ATG12: variants seen among roughly 807,000 people sequenced by gnomAD.
ATG12 encodes the protein ubiquitin-like protein ATG12.
ATG12 carries 19 observed loss-of-function variants against 17.6 expected under a neutral mutation model. The ratio of observed to expected loss-of-function variants is 1.08; its 90% CI spans 0.75 to 1.58. The LOEUF (loss-of-function observed/expected upper bound fraction) is 1.58, where lower values mean the gene tolerates loss of function less well. Among genes scored for constraint, ATG12 ranks in the 40% most tolerant of loss-of-function variants. ATG12 has a pLI of 0.00. For missense variants in ATG12, 214 were observed against 162.0 expected (o/e 1.32, Z -1.74); for synonymous variants, 75 against 62.4 (o/e 1.20, Z -0.95).
intron 2 of ATG12, chr5:115,833,400 A>T (rs1368552081): frequency 6.6e-6 from 1 of 152,142 alleles, no homozygotes; most frequent in Non-Finnish European, 1.5e-5. Flanking sequence ...AAGTATCAGA[A>T]TAGTTGGTTG....
chr5:115,835,113 G>A (rs1029400867), intron 2 of ATG12: 31 of 151,592 alleles, frequency 2.0e-4, no homozygotes, highest in Admixed American at 1.4e-3. Flanking sequence ...TTCTTTTCCT[G>A]AGCTTCATTT....
chr5:115,840,601 G>A (rs1761357654), intron 1 of ATG12: 2 of 1,279,188 alleles, frequency 1.6e-6, no homozygotes, highest in Admixed American at 2.4e-5. Flanking sequence ...CCCGGCCAGA[G>A]ACCACTGTCA....
chr5:115,829,007 G>A lies in ATG12; in HGVS notation c.*2797C>T, dbSNP rs1260532992. 2 of 152,180 alleles carry A rather than the reference G, an allele frequency of 1.3e-5. No homozygotes were observed. The highest frequency in any genetic ancestry group is 2.9e-5 in the Non-Finnish European group (2 of 68,022). 9.4% of individuals were successfully genotyped at this position (152,180 alleles called of 1,614,324 possible). A position where few individuals can be genotyped will look rare whatever the true frequency, so the allele number is the denominator to read the frequency against. ...GTGTAAGTAAACTGCACGAGCAGAA[G>A]TAGATAACAGAAAACACAAGGCATC... On this transcript the variant is annotated 3_prime_UTR_variant, in exon 4 of 4. Transcript: ENST00000509910.
chr5:115,838,002 C>A, intron 1 of ATG12: 2 of 361,090 alleles, frequency 5.5e-6, no homozygotes, highest in Non-Finnish European at 4.9e-6. Flanking sequence ...ACAGGCAGTT[C>A]CAAAGAGAGG....
At position 115,831,680 on chromosome 5, in the gene ATG12, G is replaced by C. The variant is rs1760875996; in HGVS notation, c.*124C>G. ...GGATGTTTTCTTATGCATAAACATA[G>C]AGTAGACACATACTAAATAGATCAC... On this transcript the variant is annotated 3_prime_UTR_variant, in exon 4 of 4. Transcript: ENST00000509910. 5 of 858,066 alleles carry C rather than the reference G, an allele frequency of 5.8e-6. No homozygotes were observed. Among genetic ancestry groups the C allele is most frequent in the Admixed American group, 4.8e-5 (2 of 42,054 alleles). The allele number at this position is 858,066 out of a possible 1,614,324, so 53.2% of individuals were successfully genotyped here. A position where few individuals can be genotyped will look rare whatever the true frequency, so the allele number is the denominator to read the frequency against.
rs201976289 is a variant in ATG12, at chr5:115,841,406, G to T, written c.147C>A (p.Gly49=). 162 of 1,610,444 alleles carry T rather than the reference G, an allele frequency of 1.0e-4. 2 individuals carry two copies. Among genetic ancestry groups the T allele is most frequent in the Middle Eastern group, 6.9e-4 (4 of 5,810 alleles). Residue 49 remains glycine, a synonymous_variant, in exon 1 of 4, where the codon GGC becomes GGA. Coordinates refer to ENST00000509910, the MANE Select transcript of ATG12 (RefSeq NM_004707.4). ...TTCAGTTACTTTTTTTCTTGGTGTC[G>T]CCAGCAGGTTCCTCTGTTCCCGGGG... ...AVSPGTEEPA[G]DTKKKIDILL...
chr5:115,835,795 T>G (rs1296121872), intron 2 of ATG12, among the ~76,000 whole-genome samples: 1 of 152,198 alleles, frequency 6.6e-6, no homozygotes, highest in African/African-American at 2.4e-5. Flanking sequence ...TCTTACTGCT[T>G]CTTTCAGCAC....
chr5:115,841,371 C>G lies in ATG12; in HGVS notation c.163+19G>C, dbSNP rs143823554. ...AATCTGAACCTCCCGCCTCTCTGCC[C>G]GGAAATAAATTCAGTTACTTTTTTT... On this transcript the variant is annotated intron_variant, in intron 1 of 3. Coordinates refer to ENST00000509910, the MANE Select transcript of ATG12 (RefSeq NM_004707.4). The G allele has an allele frequency of 5.4e-4, 875 of 1,610,088 alleles. 8 individuals are homozygous for G. The East Asian group carries it at 0.018, about 33-fold the overall frequency.
rs746022242 is a variant in ATG12 at position 115,832,567 on chromosome 5, CTTTCTTTTTTTTTTTT to C, written c.363+19_363+34del. 48 of 1,066,358 alleles carry C rather than the reference CTTTCTTTTTTTTTTTT, an allele frequency of 4.5e-5. No homozygotes were observed. Among genetic ancestry groups the C allele is most frequent in the Middle Eastern group, 4.1e-4 (1 of 2,420 alleles). The allele number at this position is 1,066,358 out of a possible 1,614,324, so 66.1% of individuals were successfully genotyped here. A position where few individuals can be genotyped will look rare whatever the true frequency, so the allele number is the denominator to read the frequency against. On this transcript the variant is annotated intron_variant, in intron 3 of 3. Transcript: ENST00000509910. ...GATTAAGAAAAAAAAGCAGTAATTT[CTTTCTTTTTTTTTTTT>C]TTTTTTTTTTTTTTTTACCTCATAG...
Position 115,828,662 on chromosome 5 carries a change from A to AC in ATG12, c.*3141_*3142insG, listed in dbSNP as rs1258030882. On this transcript the variant is annotated 3_prime_UTR_variant, in exon 4 of 4. Transcript: ENST00000509910. Reference sequence around the variant, plus strand: ...ATTACCTTCTGCTGTACAAAAACTTAAACTATACAAAATTTCCTTTGTTTT... The same window carrying AC: ...ATTACCTTCTGCTGTACAAAAACTTACAACTATACAAAATTTCCTTTGTTTT... 6.6e-6 allele frequency: 1 copy of AC among 152,186 alleles called. No individual in the cohort carries two copies. Among genetic ancestry groups the AC allele is most frequent in the Non-Finnish European group, 1.5e-5 (1 of 67,994 alleles). The allele number at this position is 152,186 out of a possible 1,614,324, so 9.4% of individuals were successfully genotyped here.
chr5:115,841,530 A>C lies in ATG12; in HGVS notation c.23T>G (p.Val8Gly). Residue 8 changes from valine (V) to glycine (G), a missense_variant, in exon 1 of 4, where the codon GTG (valine) becomes GGG (glycine). Val to Gly is a moderately radical substitution (Grantham distance 109, BLOSUM62 -3). Transcript: ENST00000509910. ...AGCAATTGAAGTAGGAAGCTGCAAC[A>C]CAGACTGCGGCTCCTCCGCCATCTT... The part of the protein sequence containing the change: MAEEPQS[V>G]LQLPTSIAAG... The C allele has an allele frequency of 6.2e-7, 1 of 1,613,148 alleles. No homozygotes were observed. Among genetic ancestry groups the C allele is most frequent in the Non-Finnish European group, 8.5e-7 (1 of 1,179,576 alleles).
At chr5:115,835,713 A>C (rs2112724253) in intron 2 of ATG12, among the ~76,000 whole-genome samples, 1 of 152,136 alleles carries the variant, frequency 6.6e-6, no homozygotes, top group African/African-American at 2.4e-5. Flanking sequence ...GGCTCACTTT[A>C]CTTCCCGGTC....
chr5:115,832,525 T>G (rs563706577), intron 3 of ATG12, 77 bp downstream of exon 3: 1 of 1,388,554 alleles, frequency 7.2e-7, no homozygotes, highest in South Asian at 1.5e-5. Flanking sequence ...ATACATATTA[T>G]ACAGATGTGC....
chr5:115,841,012 C>G (rs546841389), intron 1 of ATG12: 168 of 616,942 alleles, frequency 2.7e-4, no homozygotes, highest in African/African-American at 2.7e-3. Flanking sequence ...ATGACCACCC[C>G]TACCACCATA....
At chr5:115,840,079 G>C (rs1761291250) in intron 1 of ATG12, among the ~76,000 whole-genome samples, 1 of 152,132 alleles carries the variant, frequency 6.6e-6, no homozygotes, top group Admixed American at 6.5e-5. Context: ...CCGAACGTCC[G>C]CTCTTGCCTA....
At chr5:115,832,514 T>C in intron 3 of ATG12, 88 bp downstream of exon 3, 13 of 1,327,292 alleles carry the variant, frequency 9.8e-6, no homozygotes, top group Non-Finnish European at 1.1e-5. Context: ...TACTACACAA[T>C]ATACATATTA....
At position 115,837,801 on chromosome 5, in the gene ATG12, T is replaced by C. The variant is rs374610850; in HGVS notation, c.164-37A>G. The stretch of plus-strand genomic sequence containing the variant: ...GAATAAAATTTACTGACAATTACAC[T>C]GAAACATCTAAAGAGAATGGAATAT... On this transcript the variant is annotated intron_variant, in intron 1 of 3. Coordinates refer to ENST00000509910, the MANE Select transcript of ATG12 (RefSeq NM_004707.4). 3.5e-5 allele frequency: 54 copies of C among 1,544,420 alleles called. No individual in the cohort carries two copies. The African/African-American group carries it at 5.7e-4, about 16-fold the overall frequency.
chr5:115,841,009 C>A (rs1249262136), intron 1 of ATG12: 11 of 623,206 alleles, frequency 1.8e-5, no homozygotes, highest in Admixed American at 2.7e-5. Context: ...CCAATGACCA[C>A]CCCTACCACC....
At chr5:115,837,447 G>A (rs559261811) in intron 2 of ATG12, among the ~76,000 whole-genome samples, 181 bp downstream of exon 2, 1 of 151,858 alleles carries the variant, frequency 6.6e-6, no homozygotes. Context: ...ACTCCAGCCT[G>A]GGCAACAGAG....
Sources: gnomAD v4.1 joint callset for allele counts (sites outside exome capture counted in the v4.1 genomes callset) on GRCh38, gnomAD v4.1.1 for gene constraint, MANE v1.5 for transcripts, NCBI Gene and HGNC (gene_info 2026-07-23, HGNC 2026-07-21) for gene names.